The following TMTC2 variants were observed in gnomAD, a reference collection of about 807,000 sequenced individuals.
TMTC2 encodes transmembrane O-mannosyltransferase targeting cadherins 2, also known as protein O-mannosyl-transferase TMTC2.
Under a neutral mutation model 82.4 loss-of-function variants are expected in TMTC2, and 43 were observed. The observed-to-expected ratio is 0.52, with a 90% CI of 0.41 to 0.67. TMTC2 has a LOEUF of 0.67. TMTC2 is among the 30% of genes least tolerant of loss of function. The probability of loss-of-function intolerance (pLI) is 0.00; values close to 1 mark genes in which losing one functional copy is unlikely to be tolerated. For missense variants in TMTC2, 919 were observed against 1,012.4 expected (o/e 0.91, Z 1.25); for synonymous variants, 408 against 381.9 (o/e 1.07, Z -0.80).
intron 1 of TMTC2, among the ~76,000 whole-genome samples, chr12:82,855,334 C>G (rs948418261): frequency 6.6e-6 from 1 of 152,104 alleles, no homozygotes; most frequent in Non-Finnish European, 1.5e-5. Flanking sequence ...GAACGTTTTC[C>G]CTGAATCCAG....
At chr12:82,702,542 C>A (rs1240099240) in intron 1 of TMTC2, among the ~76,000 whole-genome samples, 1 of 152,162 alleles carries the variant, frequency 6.6e-6, no homozygotes, top group East Asian at 1.9e-4. Context: ...TGCAGGATGG[C>A]TCTCAAGTCT....
chr12:82,958,957 T>C (rs1281589050), intron 4 of TMTC2, among the ~76,000 whole-genome samples: 1 of 152,128 alleles, frequency 6.6e-6, no homozygotes, highest in Non-Finnish European at 1.5e-5. Flanking sequence ...CTACTGGAAC[T>C]GATAAATGAC....
intron 1 of TMTC2, among the ~76,000 whole-genome samples, chr12:82,743,365 G>A (rs188809044): frequency 1.6e-4 from 25 of 151,598 alleles, no homozygotes; most frequent in Non-Finnish European, 2.9e-4. Flanking sequence ...TGCTTAAACT[G>A]GGACCCAGGA....
At position 83,132,676 on chromosome 12, in the gene TMTC2, G is replaced by C; in HGVS notation, c.*287G>C. On this transcript the variant is annotated 3_prime_UTR_variant, in exon 12 of 12. Transcript: ENST00000321196. Reference sequence around the variant, plus strand: ...TTGGCATTCTTAAAAAGGGAGGGGTGGGTGTGTAAGTCACAGATTTTGTTC... The same window carrying C: ...TTGGCATTCTTAAAAAGGGAGGGGTCGGTGTGTAAGTCACAGATTTTGTTC... 3.0e-6 allele frequency: 1 copy of C among 328,554 alleles called. No homozygotes were observed. Among genetic ancestry groups the C allele is most frequent in the Admixed American group, 5.2e-5 (1 of 19,238 alleles). The allele number at this position is 328,554 out of a possible 1,614,324, so 20.4% of individuals were successfully genotyped here.
At chr12:83,103,547 C>T (rs896285202) in intron 11 of TMTC2, among the ~76,000 whole-genome samples, 1 of 152,122 alleles carries the variant, frequency 6.6e-6, no homozygotes, top group Non-Finnish European at 1.5e-5. Context: ...CACAAGTACA[C>T]ACGATTGCAG....
chr12:82,822,050 A>G (rs1336326103), intron 1 of TMTC2, among the ~76,000 whole-genome samples: 1 of 152,194 alleles, frequency 6.6e-6, no homozygotes, highest in African/African-American at 2.4e-5. Context: ...ATATTACTAA[A>G]TGAAAGAAGC....
chr12:83,133,001 G>A lies in TMTC2; in HGVS notation c.*612G>A, dbSNP rs527999082. 6.0e-4 allele frequency: 91 copies of A among 152,314 alleles called. No homozygotes were observed. The highest frequency in any genetic ancestry group is 2.0e-3 in the African/African-American group (83 of 41,542). The allele number at this position is 152,314 out of a possible 1,614,324, so 9.4% of individuals were successfully genotyped here. On this transcript the variant is annotated 3_prime_UTR_variant, in exon 12 of 12. Coordinates refer to ENST00000321196, the MANE Select transcript of TMTC2 (RefSeq NM_152588.3). Reference sequence around the variant, plus strand: ...AATGTTTTATGATTTGGATGTCAGAGGCTTCATTCTTTTGGACATCATTTG... The same window carrying A: ...AATGTTTTATGATTTGGATGTCAGAAGCTTCATTCTTTTGGACATCATTTG...
chr12:82,802,583 G>C (rs957571697), intron 1 of TMTC2, among the ~76,000 whole-genome samples: 1 of 152,148 alleles, frequency 6.6e-6, no homozygotes, highest in South Asian at 2.1e-4. Context: ...TTTCTAATTC[G>C]ATAATTCAAG....
chr12:83,041,174 T>C (rs574025122), intron 9 of TMTC2, among the ~76,000 whole-genome samples: 38 of 152,308 alleles, frequency 2.5e-4, no homozygotes, highest in African/African-American at 7.7e-4. Context: ...TAGCATACAT[T>C]CTTTTCAATC....
intron 1 of TMTC2, among the ~76,000 whole-genome samples, chr12:82,740,381 G>A (rs1159390329): frequency 6.6e-6 from 1 of 152,116 alleles, no homozygotes; most frequent in Non-Finnish European, 1.5e-5. Flanking sequence ...CCTGCCTCTT[G>A]GAACAGACTA....
At position 82,855,813 on chromosome 12, in the gene TMTC2, C is replaced by A. The variant is rs142144700; in HGVS notation, c.84-1197C>A. Among the ~76,000 whole-genome samples the A allele has an allele frequency of 2.0e-5, 3 of 152,230 alleles. No homozygotes were observed. The East Asian group carries it at 5.8e-4, about 29-fold the overall frequency. On this transcript the variant is annotated intron_variant, in intron 1 of 11. Transcript: ENST00000321196. The stretch of plus-strand genomic sequence containing the variant: ...AATTTTCAACAGCTTTATTCTGAGC[C>A]ATAGTTAGGAAATCCAGCTTTGATA...
chr12:83,007,802 T>C (rs754822723), intron 8 of TMTC2, among the ~76,000 whole-genome samples: 34 of 152,222 alleles, frequency 2.2e-4, no homozygotes, highest in Non-Finnish European at 4.1e-4. Flanking sequence ...GGATTTCTTA[T>C]GGGAAAGTCT....
intron 1 of TMTC2, among the ~76,000 whole-genome samples, chr12:82,826,493 A>T (rs779073863): frequency 6.6e-6 from 1 of 152,172 alleles, no homozygotes; most frequent in Non-Finnish European, 1.5e-5. Context: ...TATAATTTTA[A>T]TGGTGTGCTT....
rs745373293 is a variant in TMTC2 at position 82,896,087 on chromosome 12, G to T, written c.924G>T (p.Trp308Cys). ...AVPLLKTVCD[W>C]RNLHTVAFYT... ...CTCTGCTCAAAACAGTTTGTGACTG[G>T]AGAAACCTACACACTGTGGCCTTCT... Residue 308 changes from tryptophan to cysteine, a missense_variant, in exon 3 of 12, where the codon TGG (tryptophan) becomes TGT (cysteine). By Grantham distance (215) the Trp-to-Cys change is radical (BLOSUM62 -2). Transcript: ENST00000321196. 2 of 1,613,870 alleles carry T rather than the reference G, an allele frequency of 1.2e-6. No homozygotes were observed. The highest frequency in any genetic ancestry group is 1.7e-5 in the Admixed American group (1 of 59,950).
chr12:82,931,618 C>T (rs931715740), intron 4 of TMTC2, among the ~76,000 whole-genome samples: 2 of 152,148 alleles, frequency 1.3e-5, no homozygotes, highest in Non-Finnish European at 2.9e-5. Flanking sequence ...CCTGGGTTGA[C>T]TAGATGCAGG....
chr12:82,910,869 G>GTT (rs961953898), intron 3 of TMTC2, among the ~76,000 whole-genome samples: 2 of 149,298 alleles, frequency 1.3e-5, no homozygotes, highest in South Asian at 4.3e-4. Context: ...TCTCTGGGTT[G>GTT]TTTTTTTCTT....
At chr12:82,768,274 T>C (rs377378153) in intron 1 of TMTC2, among the ~76,000 whole-genome samples, 1 of 152,212 alleles carries the variant, frequency 6.6e-6, no homozygotes, top group Non-Finnish European at 1.5e-5. Context: ...CCAGACCTAA[T>C]GTGGAGTGCC....
At chr12:82,890,264 G>A (rs1394506097) in intron 2 of TMTC2, among the ~76,000 whole-genome samples, 1 of 150,092 alleles carries the variant, frequency 6.7e-6, no homozygotes, top group African/African-American at 2.5e-5. Flanking sequence ...TTTTTCTGTT[G>A]GGTTTTTTGC....
chr12:83,099,961 G>C (rs1884160587), intron 11 of TMTC2, among the ~76,000 whole-genome samples: 1 of 151,462 alleles, frequency 6.6e-6, no homozygotes, highest in Non-Finnish European at 1.5e-5. Flanking sequence ...CGTCACCCAG[G>C]CTGGATGTAG....
Sources: allele counts gnomAD v4.1 joint callset (sites outside exome capture counted in the v4.1 genomes callset), GRCh38; gene constraint gnomAD v4.1.1; transcripts MANE v1.5; gene names NCBI Gene and HGNC (gene_info 2026-07-23, HGNC 2026-07-21).